The following EFNA5 variants were observed in gnomAD, a reference collection of about 807,000 sequenced individuals.
EFNA5 encodes ephrin A5.
Under a neutral mutation model 22.9 loss-of-function variants are expected in EFNA5, and 5 were observed. The ratio of observed to expected loss-of-function variants is 0.22; its 90% CI spans 0.11 to 0.46. The LOEUF (loss-of-function observed/expected upper bound fraction) is 0.46, where lower values mean the gene tolerates loss of function less well. Among genes scored for constraint, EFNA5 ranks in the 20% least tolerant of loss-of-function variants. The pLI, the probability that EFNA5 is intolerant of heterozygous loss-of-function variation, is 0.99. For missense variants in EFNA5, 237 were observed against 293.3 expected (o/e 0.81, Z 1.40); for synonymous variants, 113 against 112.2 (o/e 1.01, Z -0.04).
chr5:107,547,986 G>A (rs1748205639), intron 1 of EFNA5, among the ~76,000 whole-genome samples: 1 of 152,292 alleles, frequency 6.6e-6, no homozygotes, highest in Non-Finnish European at 1.5e-5. Flanking sequence ...AAATTCCTAA[G>A]AAGGTCTATA....
intron 1 of EFNA5, among the ~76,000 whole-genome samples, chr5:107,466,679 T>A (rs941757991): frequency 1.3e-5 from 2 of 152,184 alleles, no homozygotes; most frequent in Non-Finnish European, 2.9e-5. Flanking sequence ...ACTCACTCGG[T>A]GTCTACAAGA....
In EFNA5 at chr5:107,609,417, G is replaced by A. The variant is rs374290463; in HGVS notation, c.125+61072C>T. ...ATGCCAGCCCTCCTCCTGCCTTCCC[G>A]TGACTTGGCCTCCTTTGATCTTTCT... On this transcript the variant is annotated intron_variant, in intron 1 of 4. Coordinates refer to ENST00000333274, the MANE Select transcript of EFNA5 (RefSeq NM_001962.3). 5.3e-5 allele frequency among the ~76,000 whole-genome samples: 8 copies of A among 152,222 alleles called. 1 individual carries two copies. Among genetic ancestry groups the A allele is most frequent in the African/African-American group, 1.2e-4 (5 of 41,530 alleles).
At chr5:107,426,359 A>G (rs1193625124) in intron 2 of EFNA5, among the ~76,000 whole-genome samples, 1 of 152,242 alleles carries the variant, frequency 6.6e-6, no homozygotes, top group Non-Finnish European at 1.5e-5. Flanking sequence ...AGTGTGGTCC[A>G]CAGTTCAGTA....
chr5:107,450,106 A>G (rs1749519417), intron 1 of EFNA5, among the ~76,000 whole-genome samples: 1 of 152,224 alleles, frequency 6.6e-6, no homozygotes, highest in Non-Finnish European at 1.5e-5. Flanking sequence ...CGACGGCAGA[A>G]AGCCGTGAAA....
At chr5:107,586,240 T>C (rs1749183792) in intron 1 of EFNA5, among the ~76,000 whole-genome samples, 1 of 152,120 alleles carries the variant, frequency 6.6e-6, no homozygotes, top group South Asian at 2.1e-4. Flanking sequence ...ACAATTACAA[T>C]AATTGCAGTA....
At chr5:107,429,312 G>A (rs193157621) in intron 1 of EFNA5, among the ~76,000 whole-genome samples, 1 of 152,272 alleles carries the variant, frequency 6.6e-6, no homozygotes, top group East Asian at 1.9e-4. Context: ...CAGGCATGGT[G>A]GCATATGCCT....
intron 1 of EFNA5, among the ~76,000 whole-genome samples, chr5:107,605,795 C>CT (rs903820482): frequency 1.3e-5 from 2 of 152,198 alleles, no homozygotes; most frequent in African/African-American, 2.4e-5. Context: ...CCTCTCTTCC[C>CT]TTCAATATTG....
At chr5:107,527,290 CT>C (rs56960843) in intron 1 of EFNA5, among the ~76,000 whole-genome samples, 73 of 142,292 alleles carry the variant, frequency 5.1e-4, no homozygotes, top group East Asian at 1.0e-3. Flanking sequence ...TTTCTTTTTT[CT>C]TTTTTTTTTT....
chr5:107,473,794 G>A (rs1298824963), intron 1 of EFNA5, among the ~76,000 whole-genome samples: 1 of 151,808 alleles, frequency 6.6e-6, no homozygotes, highest in Non-Finnish European at 1.5e-5. Context: ...CTGAATAGCT[G>A]GGATTACAGG....
At chr5:107,482,870 C>CTATA (rs72399506) in intron 1 of EFNA5, among the ~76,000 whole-genome samples, 50 of 59,074 alleles carry the variant, frequency 8.5e-4, no homozygotes, top group East Asian at 3.2e-3. Flanking sequence ...CTCTCTCTCT[C>CTATA]TATATATATA....
intron 1 of EFNA5, among the ~76,000 whole-genome samples, chr5:107,578,033 G>A (rs116677473): frequency 6.7e-4 from 102 of 152,188 alleles, no homozygotes; most frequent in Middle Eastern, 3.4e-3. Context: ...TCAACTTTTG[G>A]TGAGGCCTCT....
chr5:107,603,434 A>G (rs1467434730), intron 1 of EFNA5, among the ~76,000 whole-genome samples: 1 of 152,216 alleles, frequency 6.6e-6, no homozygotes, highest in African/African-American at 2.4e-5. Context: ...ATGAGGATTT[A>G]TACTTAACTG....
At chr5:107,642,249 G>T (rs1276534134) in intron 1 of EFNA5, among the ~76,000 whole-genome samples, 3 of 152,234 alleles carry the variant, frequency 2.0e-5, no homozygotes, top group South Asian at 2.1e-4. Flanking sequence ...GAAGGAATAA[G>T]TTCAAGAGAT....
intron 2 of EFNA5, among the ~76,000 whole-genome samples, chr5:107,411,786 T>C (rs905179141): frequency 1.4e-4 from 21 of 152,346 alleles, no homozygotes; most frequent in Admixed American, 1.1e-3. Context: ...GGGTCTTACA[T>C]TGTTGCCCAG....
chr5:107,402,674 C>T (rs1748116986), intron 2 of EFNA5, among the ~76,000 whole-genome samples: 1 of 152,158 alleles, frequency 6.6e-6, no homozygotes, highest in African/African-American at 2.4e-5. Context: ...TTGATAGCAA[C>T]AGGGGGAAAG....
intron 1 of EFNA5, among the ~76,000 whole-genome samples, chr5:107,631,631 T>C (rs1750255258): frequency 6.6e-6 from 1 of 152,150 alleles, no homozygotes; most frequent in South Asian, 2.1e-4. Context: ...GACATGTTTA[T>C]TTTCCTACAA....
chr5:107,527,927 T>C lies in EFNA5; in HGVS notation c.126-100418A>G, dbSNP rs535940558. On this transcript the variant is annotated intron_variant, in intron 1 of 4. Coordinates refer to ENST00000333274, the MANE Select transcript of EFNA5 (RefSeq NM_001962.3). ...GTACATGAAAAATGTCACAACTTTC[T>C]CCCCCAGAAATAGAAGTTATCCCAA... 4.6e-5 allele frequency among the ~76,000 whole-genome samples: 7 copies of C among 152,130 alleles called. No homozygotes were observed. In the South Asian group the frequency reaches 1.5e-3, roughly 32 times the overall value.
rs938690253 is a variant in EFNA5 at position 107,670,703 on chromosome 5, G to A, written c.-90C>T. ...AGGGAGGCAGGCAAAGGGACAGAGA[G>A]AGAGCGGGCGCCAAATAAATATGAA... On this transcript the variant is annotated 5_prime_UTR_variant, in exon 1 of 5. Transcript: ENST00000333274. 1 of 1,506,708 alleles carries A rather than the reference G, an allele frequency of 6.6e-7. No homozygotes were observed. The highest frequency in any genetic ancestry group is 1.4e-5 in the African/African-American group (1 of 70,722). 93.3% of individuals were successfully genotyped at this position (1,506,708 alleles called of 1,614,324 possible).
At chr5:107,395,052 T>TTTTTTTTTTTTTA (rs1554056358) in intron 2 of EFNA5, among the ~76,000 whole-genome samples, 2 of 144,276 alleles carry the variant, frequency 1.4e-5, no homozygotes, top group South Asian at 2.2e-4. Flanking sequence ...TTTTTTTTTT[T>TTTTTTTTTTTTTA]CCGCGAGACA....
Sources: gnomAD v4.1 joint callset for allele counts (sites outside exome capture counted in the v4.1 genomes callset) on GRCh38, gnomAD v4.1.1 for gene constraint, MANE v1.5 for transcripts, NCBI Gene and HGNC (gene_info 2026-07-23, HGNC 2026-07-21) for gene names.